Variants in LRRC37A2 observed in about 807,000 individuals in gnomAD.
The protein encoded by LRRC37A2 is leucine rich repeat containing 37 member A2.
Under a neutral mutation model 68.8 loss-of-function variants are expected in LRRC37A2, and 9 were observed. The ratio of observed to expected loss-of-function variants is 0.13; its 90% CI spans 0.08 to 0.23. The LOEUF (loss-of-function observed/expected upper bound fraction) is 0.23, where lower values mean the gene tolerates loss of function less well. Among genes scored for constraint, LRRC37A2 ranks in the 10% least tolerant of loss-of-function variants. The pLI, the probability that LRRC37A2 is intolerant of heterozygous loss-of-function variation, is 1.00. For synonymous variants in LRRC37A2, 63 were observed against 367.6 expected, an observed-to-expected ratio of 0.17 and a Z score of 9.48; for missense variants, 168 against 950.4, an observed-to-expected ratio of 0.18 and a Z score of 10.82.
the LRRC37A2 span, among the ~76,000 whole-genome samples, chr17:46,906,931 T>G: frequency 6.6e-6 from 1 of 152,272 alleles, no homozygotes; most frequent in South Asian, 2.1e-4. Flanking sequence ...ACTAACCAGG[T>G]ACTCTCAAAT....
At chr17:46,932,135 G>A in the LRRC37A2 span, 29 of 1,614,062 alleles carry the variant, frequency 1.8e-5, no homozygotes, top group Middle Eastern at 1.6e-4. Flanking sequence ...CAGCATCGGC[G>A]CCATGCAAGG....
chr17:46,990,567 C>T, the LRRC37A2 span, among the ~76,000 whole-genome samples: 4 of 152,190 alleles, frequency 2.6e-5, no homozygotes, highest in African/African-American at 7.2e-5. Context: ...AGGGCATTCA[C>T]CTGTCAAGGC....
At chr17:46,631,105 C>CACACAT in the LRRC37A2 span, among the ~76,000 whole-genome samples, 41 of 145,410 alleles carry the variant, frequency 2.8e-4, no homozygotes, top group Non-Finnish European at 2.1e-4. Context: ...CACACACACA[C>CACACAT]ATCTTTTATC....
the LRRC37A2 span, among the ~76,000 whole-genome samples, chr17:46,860,593 G>A: frequency 6.6e-6 from 1 of 152,200 alleles, no homozygotes; most frequent in Non-Finnish European, 1.5e-5. Context: ...AGAGTTAAAT[G>A]AATGTATATA....
At chr17:46,849,251 T>G in the LRRC37A2 span, among the ~76,000 whole-genome samples, 1 of 152,236 alleles carries the variant, frequency 6.6e-6, no homozygotes, top group South Asian at 2.1e-4. Flanking sequence ...CTTGGGTGCT[T>G]CTTCCAGTCT....
chr17:46,807,449 T>C, the LRRC37A2 span, among the ~76,000 whole-genome samples: 1 of 152,154 alleles, frequency 6.6e-6, no homozygotes, highest in Non-Finnish European at 1.5e-5. Context: ...GCTACTGCAC[T>C]CCAGCCTGGG....
the LRRC37A2 span, among the ~76,000 whole-genome samples, chr17:46,882,479 A>G: frequency 6.6e-6 from 1 of 152,190 alleles, no homozygotes; most frequent in Non-Finnish European, 1.5e-5. Flanking sequence ...CTTGTTGCCC[A>G]GGCTGGAGTG....
the LRRC37A2 span, among the ~76,000 whole-genome samples, chr17:46,738,882 A>G: frequency 3.6e-4 from 53 of 148,568 alleles, no homozygotes; most frequent in Middle Eastern, 3.5e-3. Context: ...CAGGAGGATC[A>G]CTTGAGTCCA....
the LRRC37A2 span, among the ~76,000 whole-genome samples, chr17:46,989,460 T>A: frequency 6.6e-6 from 1 of 152,194 alleles, no homozygotes. Flanking sequence ...ACCTGCCAAT[T>A]AGGCTTCCCC....
chr17:46,542,650 G>A (rs2055585170), intron 8 of LRRC37A2, among the ~76,000 whole-genome samples: 1 of 150,340 alleles, frequency 6.7e-6, no homozygotes, highest in Non-Finnish European at 1.5e-5. Flanking sequence ...AGCCAAGATG[G>A]CACCACTGCA....
the LRRC37A2 span, among the ~76,000 whole-genome samples, chr17:46,812,617 T>C: frequency 1.3e-5 from 2 of 151,986 alleles, no homozygotes; most frequent in Non-Finnish European, 2.9e-5. Flanking sequence ...TACCCTGCCC[T>C]CCCCTTCCTG....
the LRRC37A2 span, chr17:46,932,213 G>C: frequency 6.2e-7 from 1 of 1,613,934 alleles, no homozygotes; most frequent in Middle Eastern, 1.6e-4. Context: ...AGCCAGGCCC[G>C]TGGTGAGGGT....
chr17:46,709,329 G>T, the LRRC37A2 span, among the ~76,000 whole-genome samples: 1 of 151,674 alleles, frequency 6.6e-6, no homozygotes, highest in Middle Eastern at 3.2e-3. Context: ...TTATTCCAAG[G>T]GTCTGGAGGA....
At chr17:46,914,962 GT>G in the LRRC37A2 span, among the ~76,000 whole-genome samples, 1 of 152,158 alleles carries the variant, frequency 6.6e-6, no homozygotes, top group Non-Finnish European at 1.5e-5. Context: ...GTCTTGCACT[GT>G]TATATTTTCA....
exon 10 of LRRC37A2, chr17:46,549,018 G>T (rs527794638): frequency 3.1e-6 from 5 of 1,612,326 alleles, no homozygotes; most frequent in Middle Eastern, 3.3e-4. Flanking sequence ...CAAATACGAA[G>T]ACGTCTAAAC....
At chr17:46,737,459 A>G in the LRRC37A2 span, among the ~76,000 whole-genome samples, 1 of 152,210 alleles carries the variant, frequency 6.6e-6, no homozygotes, top group Non-Finnish European at 1.5e-5. Flanking sequence ...AACAAGAGGA[A>G]GAGGGTGCCT....
chr17:46,977,083 G>T, the LRRC37A2 span, among the ~76,000 whole-genome samples: 2 of 152,156 alleles, frequency 1.3e-5, no homozygotes, highest in Non-Finnish European at 2.9e-5. Context: ...AGGAGCACTT[G>T]GGAGCCAGGA....
chr17:46,531,856 G>A (rs1478619221), intron 6 of LRRC37A2, among the ~76,000 whole-genome samples: 5 of 122,746 alleles, frequency 4.1e-5, no homozygotes, highest in Non-Finnish European at 7.9e-5. Flanking sequence ...AAAAAATCCA[G>A]TTTGGAGAAG....
At chr17:46,862,119 T>C in the LRRC37A2 span, among the ~76,000 whole-genome samples, 2,910 of 143,440 alleles carry the variant, frequency 0.02, 90 homozygotes, top group African/African-American at 0.072. Flanking sequence ...GCCGAGATTG[T>C]GCCATTGCAC....
Sources: allele counts gnomAD v4.1 joint callset (sites outside exome capture counted in the v4.1 genomes callset), GRCh38; gene constraint gnomAD v4.1.1; transcripts MANE v1.5; gene names NCBI Gene and HGNC (gene_info 2026-07-23, HGNC 2026-07-21).